Variants in MSL2 observed in about 807,000 individuals in gnomAD.
The protein encoded by MSL2 is MSL complex subunit 2, also known as E3 ubiquitin-protein ligase MSL2.
In MSL2, 2 loss-of-function variants were observed where a neutral mutation model predicts 35.8. The observed-to-expected ratio is 0.06, with a 90% CI of 0.02 to 0.18. The LOEUF (loss-of-function observed/expected upper bound fraction) is 0.18, where lower values mean the gene tolerates loss of function less well. Among genes scored for constraint, MSL2 ranks in the 10% least tolerant of loss-of-function variants. The probability of loss-of-function intolerance (pLI) is 1.00; values close to 1 mark genes in which losing one functional copy is unlikely to be tolerated. For missense variants in MSL2, 523 were observed against 706.7 expected (o/e 0.74, Z 2.95); for synonymous variants, 296 against 255.7 (o/e 1.16, Z -1.50).
At chr3:136,171,752 G>A (rs981948872) in intron 1 of MSL2, among the ~76,000 whole-genome samples, 4 of 152,134 alleles carry the variant, frequency 2.6e-5, no homozygotes, top group African/African-American at 4.8e-5. Flanking sequence ...TGTAAAATTT[G>A]ATGATTCCAA....
At chr3:136,157,510 G>A (rs567067342) in intron 1 of MSL2, among the ~76,000 whole-genome samples, 9 of 151,916 alleles carry the variant, frequency 5.9e-5, no homozygotes, top group Admixed American at 1.3e-4. Flanking sequence ...TCAAAAAAAC[G>A]AAAATAAATA....
At chr3:136,189,435 T>C (rs553159691) in intron 1 of MSL2, among the ~76,000 whole-genome samples, 4 of 146,912 alleles carry the variant, frequency 2.7e-5, no homozygotes, top group East Asian at 2.0e-4. Context: ...TAAAGAATTC[T>C]TCCCAGAGGC....
chr3:136,193,410 C>T (rs1940744973), intron 1 of MSL2, among the ~76,000 whole-genome samples: 1 of 152,074 alleles, frequency 6.6e-6, no homozygotes, highest in South Asian at 2.1e-4. Flanking sequence ...AATGACATCA[C>T]TCTCAAATGC....
intron 1 of MSL2, among the ~76,000 whole-genome samples, chr3:136,182,670 C>T (rs1377790116): frequency 1.3e-5 from 2 of 150,880 alleles, no homozygotes; most frequent in Non-Finnish European, 2.9e-5. Flanking sequence ...AGAGGTCCAG[C>T]GCACCACTGC....
intron 1 of MSL2, among the ~76,000 whole-genome samples, chr3:136,191,595 C>A (rs1417638549): frequency 6.6e-6 from 1 of 152,026 alleles, no homozygotes; most frequent in Non-Finnish European, 1.5e-5. Context: ...GCCTGGGCAA[C>A]ACGGTAAGAC....
chr3:136,184,797 G>A (rs1393212325), intron 1 of MSL2, among the ~76,000 whole-genome samples: 1 of 148,752 alleles, frequency 6.7e-6, no homozygotes, highest in Non-Finnish European at 1.5e-5. Flanking sequence ...ACAAACTGAG[G>A]AGGACATACT....
Position 136,151,354 on chromosome 3 carries a change from C to T in MSL2, c.1527G>A (p.Lys509=), listed in dbSNP as rs146723459. The T allele has an allele frequency of 3.1e-6, 5 of 1,614,060 alleles. No homozygotes were observed. The African/African-American group carries it at 6.7e-5, about 22-fold the overall frequency. The change falls in exon 2 of 2, where the codon AAG becomes AAA. Residue 509 remains lysine (K), a synonymous_variant. Transcript: ENST00000309993. This position sits in a 1 kb window ranked among gnomAD's most constrained non-coding sequence, Gnocchi z 5.2. ...TTTCTGGCACGGCAAATGCCTCCAG[C>T]TTCTTCTCCCCATTGGCCATATAGG... ...QNSYMANGEK[K]LEAFAVPEKA...
chr3:136,193,395 C>A (rs1213434148), intron 1 of MSL2, among the ~76,000 whole-genome samples: 1 of 152,106 alleles, frequency 6.6e-6, no homozygotes, highest in African/African-American at 2.4e-5. Context: ...CAAATGTTAA[C>A]TGATAATGAC....
intron 1 of MSL2, among the ~76,000 whole-genome samples, chr3:136,186,082 T>TA (rs1940514414): frequency 6.6e-6 from 1 of 152,200 alleles, no homozygotes; most frequent in Non-Finnish European, 1.5e-5. Flanking sequence ...AGGCTATCCT[T>TA]ACATTACTTC....
At chr3:136,165,622 AAAG>A (rs1939825485) in intron 1 of MSL2, among the ~76,000 whole-genome samples, 1 of 152,218 alleles carries the variant, frequency 6.6e-6, no homozygotes, top group South Asian at 2.1e-4. Context: ...CAAACAGACA[AAAG>A]AACACAATAC....
intron 1 of MSL2, among the ~76,000 whole-genome samples, chr3:136,174,045 C>A (rs1940101410): frequency 6.6e-6 from 1 of 152,162 alleles, no homozygotes; most frequent in Admixed American, 6.6e-5. Context: ...AATTAACCTC[C>A]CTCAATCTGT....
intron 1 of MSL2, among the ~76,000 whole-genome samples, chr3:136,185,081 TCTC>T (rs1576374663): frequency 6.6e-6 from 1 of 152,154 alleles, no homozygotes; most frequent in East Asian, 1.9e-4. Flanking sequence ...TTCAGGCAAT[TCTC>T]CTGCCTCAGC....
chr3:136,172,280 C>A (rs934391718), intron 1 of MSL2, among the ~76,000 whole-genome samples: 7 of 152,164 alleles, frequency 4.6e-5, no homozygotes, highest in African/African-American at 1.4e-4. Flanking sequence ...CCCGACAACA[C>A]ATACACACAT....
At chr3:136,166,692 T>C (rs1203767208) in intron 1 of MSL2, among the ~76,000 whole-genome samples, 3 of 152,056 alleles carry the variant, frequency 2.0e-5, no homozygotes, top group Non-Finnish European at 4.4e-5. Context: ...GAGAGGCAAA[T>C]AGCGCTAAAA....
At chr3:136,190,370 C>T (rs1358072891) in intron 1 of MSL2, among the ~76,000 whole-genome samples, 1 of 152,124 alleles carries the variant, frequency 6.6e-6, no homozygotes, top group Non-Finnish European at 1.5e-5. Flanking sequence ...GACAACACAG[C>T]AAGGCCACAT....
chr3:136,176,034 G>A (rs749057326), intron 1 of MSL2, among the ~76,000 whole-genome samples: 1 of 150,844 alleles, frequency 6.6e-6, no homozygotes, highest in Non-Finnish European at 1.5e-5. Flanking sequence ...ACATATTCTA[G>A]ATACATATAC....
chr3:136,157,457 G>C (rs980156462), intron 1 of MSL2, among the ~76,000 whole-genome samples: 1 of 152,094 alleles, frequency 6.6e-6, no homozygotes, highest in Non-Finnish European at 1.5e-5. Context: ...AGCCAAGATA[G>C]TGCCACTCAA....
chr3:136,172,195 T>C (rs962517381), intron 1 of MSL2, among the ~76,000 whole-genome samples: 1 of 152,188 alleles, frequency 6.6e-6, no homozygotes, highest in Non-Finnish European at 1.5e-5. Flanking sequence ...TTTTTCATGC[T>C]TCCAAATTTA....
intron 1 of MSL2, among the ~76,000 whole-genome samples, chr3:136,185,653 G>A (rs1294136683): frequency 6.6e-6 from 1 of 151,300 alleles, no homozygotes; most frequent in Non-Finnish European, 1.5e-5. Context: ...TCTCCTGTGC[G>A]CACCACCACG....
Sources: gnomAD v4.1 joint callset for allele counts (sites outside exome capture counted in the v4.1 genomes callset) on GRCh38, gnomAD v4.1.1 for gene constraint, Gnocchi (gnomAD v3.1) non-coding constraint, MANE v1.5 for transcripts, NCBI Gene and HGNC (gene_info 2026-07-23, HGNC 2026-07-21) for gene names.